LRP1B: variants seen among roughly 807,000 people sequenced by gnomAD.
The protein encoded by LRP1B is low-density lipoprotein receptor-related protein 1B.
Under a neutral mutation model 556.6 loss-of-function variants are expected in LRP1B, and 217 were observed. The observed-to-expected ratio is 0.39, with a 90% CI of 0.35 to 0.44. The LOEUF is 0.44. Among genes scored for constraint, LRP1B ranks in the 20% least tolerant of loss-of-function variants. The pLI is 1.00. For missense variants in LRP1B, 5,053 were observed against 5,620.8 expected (o/e 0.90, Z 3.23); for synonymous variants, 2,047 against 1,865.8 (o/e 1.10, Z -2.50).
At chr2:140,619,187 T>A (rs1683365065) in intron 41 of LRP1B, among the ~76,000 whole-genome samples, 1 of 151,942 alleles carries the variant, frequency 6.6e-6, no homozygotes, top group Non-Finnish European at 1.5e-5. Context: ...TTCTGCCCCC[T>A]TTCCAGTCCC....
chr2:141,480,098 C>T (rs1334658724), intron 3 of LRP1B, among the ~76,000 whole-genome samples: 1 of 151,916 alleles, frequency 6.6e-6, no homozygotes, highest in Non-Finnish European at 1.5e-5. Flanking sequence ...GTCTTTTGCT[C>T]AAAAGCACTT....
intron 35 of LRP1B, among the ~76,000 whole-genome samples, chr2:140,731,845 A>G (rs10180315): frequency 0.16 from 24,053 of 151,294 alleles, 1,988 homozygotes; most frequent in South Asian, 0.2. Context: ...ATGGTAAAAT[A>G]TTAAAATCAT....
intron 1 of LRP1B, among the ~76,000 whole-genome samples, chr2:142,030,781 A>C (rs568349561): frequency 5.9e-5 from 9 of 151,932 alleles, no homozygotes; most frequent in Non-Finnish European, 1.2e-4. Context: ...TCTTGATGCC[A>C]AGGGCAGCCC....
chr2:140,335,365 G>A (rs1222557538), intron 78 of LRP1B, among the ~76,000 whole-genome samples: 1 of 151,718 alleles, frequency 6.6e-6, no homozygotes, highest in Non-Finnish European at 1.5e-5. Context: ...ATATAACCAT[G>A]CACAGACACA....
intron 3 of LRP1B, among the ~76,000 whole-genome samples, chr2:141,397,037 TGG>T (rs1252427703): frequency 1.4e-5 from 2 of 138,310 alleles, no homozygotes; most frequent in African/African-American, 5.5e-5. Flanking sequence ...CGCTTGAACC[TGG>T]GGGACAAAGG....
chr2:140,785,320 G>A (rs866774455), intron 32 of LRP1B, among the ~76,000 whole-genome samples: 1 of 152,144 alleles, frequency 6.6e-6, no homozygotes, highest in Non-Finnish European at 1.5e-5. Context: ...CTGGAAAAGA[G>A]TATATGATAT....
In LRP1B at chr2:141,699,907, C is replaced by G. The variant is rs866146706; in HGVS notation, c.205+110372G>C. Among the ~76,000 whole-genome samples the G allele has an allele frequency of 4.0e-5, 6 of 149,242 alleles. No individual in the cohort carries two copies. In the Admixed American group the frequency reaches 4.1e-4, roughly 10 times the overall value. ...CCCAAATGAAATATATTCTTAGCCT[C>G]CAGGGCACATTCCTTTGTCATCTGC... On this transcript the variant is annotated intron_variant, in intron 2 of 90. Transcript: ENST00000389484.
intron 6 of LRP1B, among the ~76,000 whole-genome samples, chr2:141,224,572 G>A (rs1042308267): frequency 5.3e-5 from 8 of 152,040 alleles, no homozygotes; most frequent in Admixed American, 1.3e-4. Context: ...GAATCAACCC[G>A]AATGCCCATC....
intron 7 of LRP1B, among the ~76,000 whole-genome samples, chr2:141,125,376 A>T (rs1701176209): frequency 6.6e-6 from 1 of 152,226 alleles, no homozygotes; most frequent in East Asian, 1.9e-4. Flanking sequence ...GGACAGTTAC[A>T]GCAGTGAGCC....
At chr2:140,893,264 AT>A (rs1394686399) in intron 23 of LRP1B, among the ~76,000 whole-genome samples, 5 of 152,230 alleles carry the variant, frequency 3.3e-5, no homozygotes, top group Non-Finnish European at 5.9e-5. Flanking sequence ...TTCAATAATC[AT>A]TTGCTGCAAA....
chr2:140,343,156 A>G (rs1681481398), intron 77 of LRP1B, among the ~76,000 whole-genome samples: 1 of 151,536 alleles, frequency 6.6e-6, no homozygotes, highest in African/African-American at 2.4e-5. Flanking sequence ...AGAATTTTGA[A>G]TGTTTAATAA....
chr2:141,874,730 G>A (rs1698701611), intron 1 of LRP1B, among the ~76,000 whole-genome samples: 1 of 151,834 alleles, frequency 6.6e-6, no homozygotes, highest in African/African-American at 2.4e-5. Context: ...AACAAACTGT[G>A]TGTAACTTAA....
chr2:140,302,954 C>T (rs1248300722), intron 83 of LRP1B, among the ~76,000 whole-genome samples: 2 of 145,262 alleles, frequency 1.4e-5, no homozygotes, highest in Non-Finnish European at 3.0e-5. Flanking sequence ...AGACAGTATA[C>T]CATTGAACTC....
chr2:141,338,247 C>G (rs1687920537), intron 3 of LRP1B, among the ~76,000 whole-genome samples: 1 of 152,108 alleles, frequency 6.6e-6, no homozygotes, highest in Non-Finnish European at 1.5e-5. Context: ...ACCCCATTAC[C>G]ACTGAAGCCA....
rs375895878 is a variant in LRP1B at position 140,274,506 on chromosome 2, G to T, written c.13060C>A (p.Pro4354Thr). ...ACACACTTGTCAACCTCACATTTTG[G>T]TCCTTCATAGCGCGTTGGACAGACA... ...ECVCPTRYEG[P>T]KCEVDKCVRC... The change falls in exon 85 of 91, where the codon CCA (proline) becomes ACA (threonine). Residue 4354 changes from proline (P) to threonine (T), a missense_variant. Physicochemically the swap from Pro to Thr is conservative, Grantham distance 38. This residue lies in a region of LRP1B where 551 missense variants were observed against 592.0 expected (regional missense o/e 0.93). Coordinates refer to ENST00000389484, the MANE Select transcript of LRP1B (RefSeq NM_018557.3). 8.1e-6 allele frequency: 13 copies of T among 1,612,576 alleles called. No homozygotes were observed. Among genetic ancestry groups the T allele is most frequent in the East Asian group, 2.2e-5 (1 of 44,796 alleles).
intron 51 of LRP1B, among the ~76,000 whole-genome samples, chr2:140,511,288 G>A (rs1384142316): frequency 7.3e-6 from 1 of 137,144 alleles, no homozygotes; most frequent in Non-Finnish European, 1.5e-5. Context: ...AATCCTCTAA[G>A]GGTCTTTTTT....
intron 25 of LRP1B, among the ~76,000 whole-genome samples, chr2:140,872,691 T>C (rs1034975142): frequency 1.3e-5 from 2 of 152,026 alleles, no homozygotes; most frequent in African/African-American, 2.4e-5. Context: ...AATCTTCCTC[T>C]AGCACCACCA....
intron 1 of LRP1B, among the ~76,000 whole-genome samples, chr2:142,045,998 T>C (rs938846610): frequency 4.6e-5 from 7 of 151,946 alleles, no homozygotes; most frequent in African/African-American, 1.4e-4. Flanking sequence ...GGGGTAATGA[T>C]AGAATGATTT....
At chr2:141,423,588 T>G (rs1345819837) in intron 3 of LRP1B, among the ~76,000 whole-genome samples, 1 of 152,086 alleles carries the variant, frequency 6.6e-6, no homozygotes, top group Non-Finnish European at 1.5e-5. Context: ...TTTGGATAAC[T>G]AAGCAGCTAT....
Sources: allele counts gnomAD v4.1 joint callset (sites outside exome capture counted in the v4.1 genomes callset), GRCh38; gene constraint gnomAD v4.1.1; regional missense constraint gnomAD v4.1.1; transcripts MANE v1.5; gene names NCBI Gene and HGNC (gene_info 2026-07-23, HGNC 2026-07-21).